Variants in TPO observed in about 807,000 individuals in gnomAD.
The protein encoded by TPO is thyroid peroxidase.
A neutral mutation model predicts 96.9 loss-of-function variants in TPO; 78 were observed. The observed-to-expected ratio is 0.81, with a 90% CI of 0.67 to 0.97. The LOEUF is 0.97. TPO is among the 50% of genes least tolerant of loss of function. TPO has a pLI of 0.00. For synonymous variants in TPO, 547 were observed against 538.0 expected (o/e 1.02, Z -0.23); for missense variants, 1,252 against 1,274.8 (o/e 0.98, Z 0.27).
intron 1 of TPO, among the ~76,000 whole-genome samples, chr2:1,392,721 G>C (rs979688380): frequency 6.6e-6 from 1 of 152,068 alleles, no homozygotes. Context: ...GTTTAGTCTT[G>C]GGAGGGTGTG....
chr2:1,527,885 C>A (rs1445711887), intron 15 of TPO, among the ~76,000 whole-genome samples: 1 of 129,946 alleles, frequency 7.7e-6, no homozygotes. Context: ...TCAAATCCCC[C>A]CACTGCGTGC....
intron 15 of TPO, among the ~76,000 whole-genome samples, chr2:1,538,323 C>T (rs1680316862): frequency 6.6e-6 from 1 of 152,278 alleles, no homozygotes; most frequent in Non-Finnish European, 1.5e-5. Context: ...AATTCAGAGG[C>T]ACGGGCATAC....
intron 3 of TPO, among the ~76,000 whole-genome samples, chr2:1,425,652 A>G (rs9798488): frequency 0.48 from 72,229 of 151,114 alleles, 17,707 homozygotes; most frequent in Middle Eastern, 0.57. Context: ...TCAGAAGTCT[A>G]TGCTCCTTCT....
chr2:1,517,498 C>G (rs1674830848), intron 15 of TPO, among the ~76,000 whole-genome samples: 1 of 152,164 alleles, frequency 6.6e-6, no homozygotes, highest in Non-Finnish European at 1.5e-5. Context: ...CCCCTCGAGG[C>G]TTCCTCAGGT....
At chr2:1,517,983 C>T (rs575742469) in intron 15 of TPO, among the ~76,000 whole-genome samples, 1 of 152,076 alleles carries the variant, frequency 6.6e-6, no homozygotes, top group African/African-American at 2.4e-5. Flanking sequence ...CTGCAGCCAG[C>T]CCTGCCCTCT....
chr2:1,526,558 G>T (rs1676550531), intron 15 of TPO, among the ~76,000 whole-genome samples: 1 of 138,006 alleles, frequency 7.2e-6, no homozygotes, highest in South Asian at 2.3e-4. Flanking sequence ...CTCACTGTGT[G>T]CAACCTTCTC....
chr2:1,445,263 C>T (rs1452255920), intron 5 of TPO, among the ~76,000 whole-genome samples: 2 of 130,966 alleles, frequency 1.5e-5, no homozygotes, highest in African/African-American at 5.8e-5. Context: ...TTGTATGATC[C>T]AATCACTGCT....
chr2:1,412,666 GAAAGA>G (rs1319642705), upstream of TPO, among the ~76,000 whole-genome samples: 2 of 152,160 alleles, frequency 1.3e-5, no homozygotes, highest in African/African-American at 4.8e-5. Flanking sequence ...TTGGAGAAGG[GAAAGA>G]AAAGGAGAAA....
intron 3 of TPO, among the ~76,000 whole-genome samples, chr2:1,428,734 A>G (rs1664681427): frequency 6.6e-6 from 1 of 152,202 alleles, no homozygotes; most frequent in East Asian, 1.9e-4. Context: ...TGTTCTTCCT[A>G]TTAGCCAAAT....
intron 6 of TPO, 78 bp downstream of exon 6, chr2:1,453,901 G>T: frequency 1.9e-6 from 3 of 1,601,806 alleles, no homozygotes; most frequent in Non-Finnish European, 2.6e-6. Context: ...CCTTTTACTG[G>T]GTTCTTGCTC....
chr2:1,438,946 C>G, intron 5 of TPO: 1 of 692,826 alleles, frequency 1.4e-6, no homozygotes, highest in South Asian at 1.6e-5. Context: ...ACGTCTACAT[C>G]CACCTGCAAA....
chr2:1,532,969 C>A (rs1327144756), intron 15 of TPO, among the ~76,000 whole-genome samples: 5 of 55,974 alleles, frequency 8.9e-5, no homozygotes, highest in Admixed American at 2.1e-4. Context: ...CCCACTGTGT[C>A]CAGCCTCCCC....
intron 7 of TPO, among the ~76,000 whole-genome samples, chr2:1,470,909 A>G (rs2148652071): frequency 6.6e-6 from 1 of 152,346 alleles, no homozygotes; most frequent in East Asian, 1.9e-4. Context: ...TGTGAGCTAC[A>G]CTGGTAGATT....
At chr2:1,413,238 CT>C (rs1343246808), upstream of TPO, among the ~76,000 whole-genome samples, 3 of 152,130 alleles carry the variant, frequency 2.0e-5, no homozygotes, top group African/African-American at 4.8e-5. Context: ...AATTTTTCCC[CT>C]CTTCTTCCTA....
intron 1 of TPO, among the ~76,000 whole-genome samples, chr2:1,396,070 A>G (rs906090643): frequency 7.2e-5 from 11 of 152,340 alleles, no homozygotes; most frequent in African/African-American, 2.6e-4. Flanking sequence ...GTGAGCTGCC[A>G]CTAAGCTCTG....
At chr2:1,518,546 T>G (rs1674939657) in intron 15 of TPO, among the ~76,000 whole-genome samples, 2 of 152,270 alleles carry the variant, frequency 1.3e-5, no homozygotes, top group African/African-American at 4.8e-5. Context: ...CTGCAAGGCC[T>G]CTGACAACTG....
At chr2:1,395,596 A>G (rs1452520406) in intron 1 of TPO, among the ~76,000 whole-genome samples, 1 of 152,202 alleles carries the variant, frequency 6.6e-6, no homozygotes, top group East Asian at 1.9e-4. Flanking sequence ...AGTGTCGTTA[A>G]TGAGTGGTCT....
At chr2:1,455,941 A>G in intron 6 of TPO, 135 bp from the exon 7 acceptor site, 2 of 859,188 alleles carry the variant, frequency 2.3e-6, no homozygotes, top group South Asian at 1.4e-5. Context: ...CCCTAACTCC[A>G]GGGCACAGAT....
intron 8 of TPO, among the ~76,000 whole-genome samples, chr2:1,479,215 G>A (rs1178453691): frequency 6.6e-6 from 1 of 152,196 alleles, no homozygotes; most frequent in East Asian, 1.9e-4. Flanking sequence ...GGTCCCAGAC[G>A]GCTGCCTTCT....
Sources: allele counts gnomAD v4.1 joint callset (sites outside exome capture counted in the v4.1 genomes callset), GRCh38; gene constraint gnomAD v4.1.1; transcripts MANE v1.5; gene names NCBI Gene and HGNC (gene_info 2026-07-23, HGNC 2026-07-21).